Variants in MARCHF6 observed in about 807,000 individuals in gnomAD.
MARCHF6 encodes the protein E3 ubiquitin-protein ligase MARCHF6.
MARCHF6 carries 31 observed loss-of-function variants against 133.7 expected under a neutral mutation model. That is an observed-to-expected ratio of 0.23 (90% CI 0.17 to 0.31). The LOEUF is 0.31. MARCHF6 is among the 10% of genes least tolerant of loss of function. The pLI is 1.00. For missense variants in MARCHF6, 723 were observed against 1,121.6 expected, an observed-to-expected ratio of 0.64 and a Z score of 5.08; for synonymous variants, 395 against 402.5, an observed-to-expected ratio of 0.98 and a Z score of 0.22.
rs1483687951 is a variant in MARCHF6 at position 10,435,225 on chromosome 5, T to A, written c.*1541T>A. On this transcript the variant is annotated 3_prime_UTR_variant, in exon 26 of 26. Transcript: ENST00000274140. ...TAAAGAGCAATGTGTTCTGGCTGTT[T>A]TATACTTCAACAATTTTTTCCCTAA... 1 of 152,596 alleles carries A rather than the reference T, an allele frequency of 6.6e-6. No homozygotes were observed. Among genetic ancestry groups the A allele is most frequent in the Non-Finnish European group, 1.5e-5 (1 of 68,044 alleles). 9.5% of individuals were successfully genotyped at this position (152,596 alleles called of 1,614,324 possible).
chr5:10,364,672 C>T (rs1561096974), intron 1 of MARCHF6, among the ~76,000 whole-genome samples: 1 of 152,188 alleles, frequency 6.6e-6, no homozygotes, highest in Non-Finnish European at 1.5e-5. Flanking sequence ...CTTGATGTTG[C>T]CCACAGCTGT....
intron 1 of MARCHF6, among the ~76,000 whole-genome samples, chr5:10,364,093 CAT>C (rs767753291): frequency 5.3e-5 from 8 of 152,164 alleles, no homozygotes; most frequent in Non-Finnish European, 8.8e-5. Context: ...AACTTTATGA[CAT>C]ATATCTGAAT....
chr5:10,381,769 G>C (rs749413927), intron 3 of MARCHF6, 31 bp from the exon 4 acceptor site: 4 of 1,535,430 alleles, frequency 2.6e-6, no homozygotes, highest in Admixed American at 2.2e-5. Flanking sequence ...GAATCTTCAT[G>C]AAACTGTAAG....
chr5:10,419,612 C>CTT (rs148493492), intron 22 of MARCHF6, among the ~76,000 whole-genome samples: 61 of 139,444 alleles, frequency 4.4e-4, no homozygotes, highest in Middle Eastern at 7.6e-3. Flanking sequence ...AAAGAGCTAC[C>CTT]TTTTTTTTTT....
chr5:10,373,059 C>G lies in MARCHF6; in HGVS notation c.20-4739C>G, dbSNP rs577015530. Among the ~76,000 whole-genome samples the G allele has an allele frequency of 1.3e-3, 195 of 150,738 alleles. 1 individual carries two copies. The highest frequency in any genetic ancestry group is 4.4e-3 in the African/African-American group (181 of 41,058). On this transcript the variant is annotated intron_variant, in intron 1 of 25. Coordinates refer to ENST00000274140, the MANE Select transcript of MARCHF6 (RefSeq NM_005885.4). ...TGGGTGACACAGCAAGACCCTGTCT[C>G]TTAAAAAAAAAAACAAAACAACAAC...
intron 11 of MARCHF6, 71 bp downstream of exon 11, chr5:10,400,913 T>C (rs1046802895): frequency 8.4e-7 from 1 of 1,191,236 alleles, no homozygotes; most frequent in African/African-American, 1.5e-5. Context: ...AAAATAGTAT[T>C]CTAAAGAGTT....
intron 17 of MARCHF6, among the ~76,000 whole-genome samples, chr5:10,409,868 T>C (rs1414774168): frequency 2.6e-5 from 4 of 151,788 alleles, no homozygotes; most frequent in Non-Finnish European, 2.9e-5. Context: ...AAGGAAGGAG[T>C]GACCTTTTGT....
At chr5:10,398,586 A>G (rs1445299338) in intron 10 of MARCHF6, among the ~76,000 whole-genome samples, 2 of 144,514 alleles carry the variant, frequency 1.4e-5, no homozygotes, top group Non-Finnish European at 1.5e-5. Flanking sequence ...TCTTGACTGC[A>G]TTTTTTTTTT....
intron 11 of MARCHF6, 41 bp from the exon 12 acceptor site, chr5:10,402,018 G>A (rs772801920): frequency 1.7e-6 from 2 of 1,200,984 alleles, no homozygotes; most frequent in South Asian, 2.4e-5. Flanking sequence ...TGTAGAACAT[G>A]TTGTAAAATT....
At position 10,435,108 on chromosome 5, in the gene MARCHF6, A is replaced by G. The variant is rs1019850917; in HGVS notation, c.*1424A>G. 6.6e-5 allele frequency: 10 copies of G among 152,668 alleles called. No homozygotes were observed. Among genetic ancestry groups the G allele is most frequent in the African/African-American group, 2.2e-4 (9 of 41,468 alleles). 9.5% of individuals were successfully genotyped at this position (152,668 alleles called of 1,614,324 possible). On this transcript the variant is annotated 3_prime_UTR_variant, in exon 26 of 26. Transcript: ENST00000274140. ...CGTATAACATAGGTCTTCAGAAACT[A>G]TAAAAGAATTTTCATATAGTATTAA...
chr5:10,377,747 T>C (rs1284537672), intron 1 of MARCHF6, 51 bp from the exon 2 acceptor site: 1 of 1,364,078 alleles, frequency 7.3e-7, no homozygotes, highest in Admixed American at 1.7e-5. Context: ...TTCTTGCTTT[T>C]TTAAAAAAGT....
At chr5:10,376,151 C>T (rs961589569) in intron 1 of MARCHF6, among the ~76,000 whole-genome samples, 39 of 152,136 alleles carry the variant, frequency 2.6e-4, no homozygotes, top group African/African-American at 9.2e-4. Flanking sequence ...AAGCTTTGTT[C>T]TTTCACTTTT....
At chr5:10,403,614 C>CA in intron 15 of MARCHF6, 73 bp downstream of exon 15, 1 of 1,368,870 alleles carries the variant, frequency 7.3e-7, no homozygotes, top group Non-Finnish European at 1.0e-6. Context: ...AGTCATGTCT[C>CA]AAAGGCTATG....
At chr5:10,354,110 G>C in intron 1 of MARCHF6, 193 bp downstream of exon 1, 1 of 408,542 alleles carries the variant, frequency 2.4e-6, no homozygotes, top group Non-Finnish European at 4.1e-6. Context: ...TTTCCCGCCC[G>C]CGCCGCCGAG....
chr5:10,428,431 T>A (rs1226581377), intron 24 of MARCHF6, among the ~76,000 whole-genome samples: 1 of 131,314 alleles, frequency 7.6e-6, no homozygotes, highest in Non-Finnish European at 1.6e-5. Context: ...AACCTCCACC[T>A]CCTGGGTTCA....
rs1390105641 is a variant in MARCHF6, at chr5:10,435,616, C to CATATAACT, written c.*1954_*1961dup. 9 of 6,658 alleles carry CATATAACT rather than the reference C, an allele frequency of 1.4e-3. No homozygotes were observed. The highest frequency in any genetic ancestry group is 4.2e-3 in the African/African-American group (7 of 1,668). The allele number at this position is 6,658 out of a possible 1,614,324, so 0.4% of individuals were successfully genotyped here. On this transcript the variant is annotated 3_prime_UTR_variant, in exon 26 of 26. Coordinates refer to ENST00000274140, the MANE Select transcript of MARCHF6 (RefSeq NM_005885.4). The stretch of plus-strand genomic sequence containing the variant: ...AGAAAAACATTATTATTGAATTGAG[C>CATATAACT]ATATAACTATATAACTATATAACTA...
intron 4 of MARCHF6, among the ~76,000 whole-genome samples, chr5:10,382,429 T>C (rs1299461285): frequency 6.9e-6 from 1 of 144,856 alleles, no homozygotes; most frequent in Non-Finnish European, 1.5e-5. Context: ...ATCGCACCAC[T>C]GCACTCCAGC....
chr5:10,356,490 G>C (rs1735482735), intron 1 of MARCHF6, among the ~76,000 whole-genome samples: 1 of 151,704 alleles, frequency 6.6e-6, no homozygotes, highest in South Asian at 2.1e-4. Flanking sequence ...CCACCTCCCA[G>C]GTTCAAGCGA....
intron 5 of MARCHF6, 22 bp from the exon 6 acceptor site, chr5:10,390,310 T>C (rs758464799): frequency 2.5e-6 from 4 of 1,605,220 alleles, no homozygotes; most frequent in African/African-American, 2.7e-5. Flanking sequence ...GGAGTAATTA[T>C]ATGTACTTTT....
Sources: allele counts gnomAD v4.1 joint callset (sites outside exome capture counted in the v4.1 genomes callset), GRCh38; gene constraint gnomAD v4.1.1; transcripts MANE v1.5; gene names NCBI Gene and HGNC (gene_info 2026-07-23, HGNC 2026-07-21).